SPON1: variants seen among roughly 807,000 people sequenced by gnomAD.
SPON1 encodes spondin 1.
Under a neutral mutation model 111.7 loss-of-function variants are expected in SPON1, and 52 were observed. The observed-to-expected ratio is 0.47, with a 90% CI of 0.37 to 0.59. SPON1 has a LOEUF of 0.59. Ranked by LOEUF, SPON1 falls within the 20% of genes least tolerant of loss-of-function variation. The pLI, the probability that SPON1 is intolerant of heterozygous loss-of-function variation, is 0.00. For synonymous variants in SPON1, 410 were observed against 395.8 expected (o/e 1.04, Z -0.43); for missense variants, 957 against 1,068.5 (o/e 0.90, Z 1.46).
At chr11:14,178,075 C>CACACACACACACACAT (rs59416373) in intron 6 of SPON1, among the ~76,000 whole-genome samples, 1 of 151,440 alleles carries the variant, frequency 6.6e-6, no homozygotes, top group Non-Finnish European at 1.5e-5. Flanking sequence ...CACACACACA[C>CACACACACACACACAT]GCTTTGGTCT....
chr11:14,090,824 G>GCCACCCCCCCCCCCCCCCCCCCCCCCC (rs1849046497), intron 5 of SPON1, among the ~76,000 whole-genome samples: 1 of 45,580 alleles, frequency 2.2e-5, no homozygotes, highest in Admixed American at 2.7e-4. Context: ...CTCTTATCTG[G>GCCACCCCCCCCCCCCCCCCCCCCCCCC]CCCCCCCCCC....
intron 1 of SPON1, among the ~76,000 whole-genome samples, chr11:13,964,378 C>T (rs1206354315): frequency 6.6e-6 from 1 of 152,210 alleles, no homozygotes; most frequent in Non-Finnish European, 1.5e-5. Flanking sequence ...TTCCCAGTTC[C>T]CCAGAGAGCC....
chr11:14,233,037 C>G (rs188103265), intron 6 of SPON1, among the ~76,000 whole-genome samples: 13 of 152,126 alleles, frequency 8.5e-5, no homozygotes, highest in South Asian at 2.1e-4. Context: ...TCTCCCCCAT[C>G]CTCTCCTCTG....
chr11:13,980,551 T>G (rs1848136246), intron 1 of SPON1, among the ~76,000 whole-genome samples: 1 of 152,058 alleles, frequency 6.6e-6, no homozygotes, highest in South Asian at 2.1e-4. Context: ...CTTTTTATTA[T>G]TATTATTATA....
chr11:14,203,166 C>T (rs1245563422), intron 6 of SPON1, among the ~76,000 whole-genome samples: 4 of 152,154 alleles, frequency 2.6e-5, no homozygotes, highest in South Asian at 4.1e-4. Flanking sequence ...TTCTAAGCAA[C>T]GGAGCAGACC....
intron 6 of SPON1, among the ~76,000 whole-genome samples, chr11:14,231,279 G>A (rs1438045839): frequency 1.3e-5 from 2 of 151,862 alleles, no homozygotes; most frequent in Admixed American, 6.6e-5. Context: ...GACTACAGGC[G>A]CATGCCACCA....
intron 6 of SPON1, among the ~76,000 whole-genome samples, chr11:14,138,112 A>T (rs947790653): frequency 6.6e-6 from 1 of 152,324 alleles, no homozygotes; most frequent in Admixed American, 6.5e-5. Context: ...TTAATACTTT[A>T]TATCCTACCA....
intron 3 of SPON1, among the ~76,000 whole-genome samples, chr11:14,057,923 A>G (rs957474587): frequency 1.3e-5 from 2 of 151,948 alleles, no homozygotes; most frequent in African/African-American, 4.8e-5. Context: ...AGGCTGAGGT[A>G]AGAGGATCAC....
intron 6 of SPON1, among the ~76,000 whole-genome samples, chr11:14,160,995 T>C (rs189689507): frequency 4.7e-4 from 5 of 10,582 alleles, no homozygotes; most frequent in African/African-American, 1.8e-3. Context: ...ATATATATTT[T>C]TATATATTTA....
chr11:14,022,394 TACTC>T (rs1554914858), intron 2 of SPON1, among the ~76,000 whole-genome samples: 1 of 152,240 alleles, frequency 6.6e-6, no homozygotes, highest in African/African-American at 2.4e-5. Context: ...AGTCATTACT[TACTC>T]ATACATTGAT....
At chr11:14,160,435 ATATATATT>A (rs1359458407) in intron 6 of SPON1, among the ~76,000 whole-genome samples, 2 of 19,188 alleles carry the variant, frequency 1.0e-4, no homozygotes, top group African/African-American at 5.8e-4. Flanking sequence ...ATATATTTAT[ATATATATT>A]TATATATATA....
chr11:14,188,303 G>A (rs1554934259), intron 6 of SPON1, among the ~76,000 whole-genome samples: 1 of 152,120 alleles, frequency 6.6e-6, no homozygotes, highest in East Asian at 1.9e-4. Context: ...AGGATAACAT[G>A]ATCAAATGCC....
At chr11:14,262,633 G>A in intron 14 of SPON1, 79 bp from the exon 15 acceptor site, 2 of 1,565,334 alleles carry the variant, frequency 1.3e-6, no homozygotes, top group African/African-American at 1.4e-5. Context: ...TCATAGGCTT[G>A]TTGAGATGTT....
intron 2 of SPON1, among the ~76,000 whole-genome samples, chr11:13,998,336 G>A (rs1554912072): frequency 1.3e-5 from 2 of 152,178 alleles, no homozygotes; most frequent in African/African-American, 4.8e-5. Context: ...GGAGAGACAA[G>A]ACAGAAATTT....
chr11:14,044,385 G>A (rs1371362503), intron 3 of SPON1, among the ~76,000 whole-genome samples: 1 of 152,226 alleles, frequency 6.6e-6, no homozygotes, highest in African/African-American at 2.4e-5. Flanking sequence ...GCTGAGGCAA[G>A]CAGATCACTT....
At chr11:14,193,709 G>T (rs995434486) in intron 6 of SPON1, among the ~76,000 whole-genome samples, 3 of 152,096 alleles carry the variant, frequency 2.0e-5, no homozygotes, top group Non-Finnish European at 4.4e-5. Context: ...CTCGGGTATT[G>T]CCTGGAATCC....
At chr11:14,087,511 T>C (rs1554922790) in intron 5 of SPON1, among the ~76,000 whole-genome samples, 1 of 151,724 alleles carries the variant, frequency 6.6e-6, no homozygotes, top group Non-Finnish European at 1.5e-5. Context: ...TCTGCGAGAC[T>C]GTTTGTTATG....
At chr11:14,179,395 A>C (rs1209438221) in intron 6 of SPON1, among the ~76,000 whole-genome samples, 1 of 152,102 alleles carries the variant, frequency 6.6e-6, no homozygotes, top group Non-Finnish European at 1.5e-5. Flanking sequence ...TTTACAGAAC[A>C]CTCCATACTC....
At chr11:14,206,862 T>G (rs1206230082) in intron 6 of SPON1, among the ~76,000 whole-genome samples, 2 of 152,050 alleles carry the variant, frequency 1.3e-5, no homozygotes, top group South Asian at 2.1e-4. Flanking sequence ...ACTGAGACTC[T>G]TCACAGAACT....
Sources: gnomAD v4.1 joint callset for allele counts (sites outside exome capture counted in the v4.1 genomes callset) on GRCh38, gnomAD v4.1.1 for gene constraint, MANE v1.5 for transcripts, NCBI Gene and HGNC (gene_info 2026-07-23, HGNC 2026-07-21) for gene names.